Variants in PCDHA5 observed in about 807,000 individuals in gnomAD.
PCDHA5 encodes the protein protocadherin alpha 5.
Under a neutral mutation model 61.6 loss-of-function variants are expected in PCDHA5, and 43 were observed. The ratio of observed to expected loss-of-function variants is 0.70; its 90% CI spans 0.55 to 0.90. The LOEUF (loss-of-function observed/expected upper bound fraction) is 0.90, where lower values mean the gene tolerates loss of function less well. Ranked by LOEUF, PCDHA5 falls within the 40% of genes least tolerant of loss-of-function variation. The pLI, the probability that PCDHA5 is intolerant of heterozygous loss-of-function variation, is 0.00. For synonymous variants in PCDHA5, 627 were observed against 543.9 expected (o/e 1.15, Z -2.13); for missense variants, 1,298 against 1,222.7 (o/e 1.06, Z -0.92).
At chr5:140,854,131 C>T in intron 1 of PCDHA5, 1 of 404,286 alleles carries the variant, frequency 2.5e-6, no homozygotes, top group Non-Finnish European at 3.3e-6. Flanking sequence ...AACTGCATTT[C>T]AGCCCGGGTG....
rs1274541359 is a variant in PCDHA5 at position 140,852,032 on chromosome 5, G to C, written c.2352+27905G>C. 7.5e-6 allele frequency: 7 copies of C among 936,644 alleles called. No homozygotes were observed. The African/African-American group carries it at 1.1e-4, about 14-fold the overall frequency. 58.0% of individuals were successfully genotyped at this position (936,644 alleles called of 1,614,324 possible). On this transcript the variant is annotated intron_variant, in intron 1 of 3. Transcript: ENST00000529859. ...TATAGTTTTAAAAACTTCGCTTATT[G>C]AGTTTTTGTTATGTGGTTTATATTT... is the stretch of plus-strand genomic sequence containing the variant.
chr5:140,841,299 C>G (rs2150312843), intron 1 of PCDHA5: 11 of 1,365,702 alleles, frequency 8.1e-6, no homozygotes, highest in East Asian at 5.9e-5. Flanking sequence ...ATAATATTTT[C>G]TGATAGGAAA....
Position 140,920,248 on chromosome 5 carries a change from C to T in PCDHA5, c.2353-58701C>T, listed in dbSNP as rs77829363. 2.9e-3 allele frequency among the ~76,000 whole-genome samples: 443 copies of T among 152,218 alleles called. 1 individual carries two copies. The highest frequency in any genetic ancestry group is 0.01 in the African/African-American group (423 of 41,510). Reference sequence around the variant, plus strand: ...TAGTATTATATACCCAACAATACATCGCTATAATAATTATTACTTTATGTA... The same window carrying T: ...TAGTATTATATACCCAACAATACATTGCTATAATAATTATTACTTTATGTA... On this transcript the variant is annotated intron_variant, in intron 1 of 3. Coordinates refer to ENST00000529859, the MANE Select transcript of PCDHA5 (RefSeq NM_018908.3).
intron 1 of PCDHA5, among the ~76,000 whole-genome samples, chr5:140,923,179 G>T (rs982663028): frequency 3.3e-5 from 5 of 152,130 alleles, no homozygotes; most frequent in Admixed American, 1.3e-4. Flanking sequence ...TTGTTCAGAT[G>T]CATCTACTGC....
intron 3 of PCDHA5, among the ~76,000 whole-genome samples, chr5:140,990,902 C>G (rs2097421729): frequency 6.6e-6 from 1 of 152,112 alleles, no homozygotes; most frequent in African/African-American, 2.4e-5. Flanking sequence ...GTTGCTGGGT[C>G]AAGTTTTATA....
chr5:141,006,376 TAA>T (rs2098270900), intron 3 of PCDHA5, among the ~76,000 whole-genome samples: 1 of 151,996 alleles, frequency 6.6e-6, no homozygotes, highest in South Asian at 2.1e-4. Flanking sequence ...CACGCCCGGC[TAA>T]GTTTTTTCTA....
intron 1 of PCDHA5, chr5:140,876,086 C>T (rs371336139): frequency 2.5e-6 from 4 of 1,613,778 alleles, no homozygotes; most frequent in East Asian, 2.2e-5. Flanking sequence ...AGAGAGCAAA[C>T]GCCAAAACTC....
chr5:141,007,779 C>T (rs1378096050), intron 3 of PCDHA5, among the ~76,000 whole-genome samples: 4 of 152,184 alleles, frequency 2.6e-5, no homozygotes, highest in African/African-American at 9.7e-5. Context: ...AATGGTACTG[C>T]TTTACAAATT....
At chr5:140,875,324 C>G in intron 1 of PCDHA5, 2 of 1,426,280 alleles carry the variant, frequency 1.4e-6, no homozygotes, top group Non-Finnish European at 1.8e-6. Flanking sequence ...CAATCATTCA[C>G]GGAATAGGAT....
chr5:140,866,420 T>C (rs2049348301), intron 1 of PCDHA5: 1 of 152,148 alleles, frequency 6.6e-6, no homozygotes, highest in African/African-American at 2.4e-5. Context: ...CAAATGTGTG[T>C]AGGTCTTTCA....
chr5:140,928,802 TG>T, intron 1 of PCDHA5: 1 of 1,614,142 alleles, frequency 6.2e-7, no homozygotes, highest in South Asian at 1.1e-5. Context: ...GTGGTGGTAG[TG>T]GTTCGGGACC....
At chr5:140,835,658 T>G (rs2150240988) in intron 1 of PCDHA5, 43 of 1,613,884 alleles carry the variant, frequency 2.7e-5, no homozygotes, top group African/African-American at 2.3e-4. Context: ...AGCTGGTGGT[T>G]ACCGCGCGGG....
rs782037799 is a variant in PCDHA5 at position 140,877,180 on chromosome 5, G to A, written c.2352+53053G>A. ...CGCGCCGGCACTGCTGGCGACTCCG[G>A]CTGGCAGCGCAGGAGGCGCAGTTAG... On this transcript the variant is annotated intron_variant, in intron 1 of 3. Transcript: ENST00000529859. The A allele has an allele frequency of 1.1e-5, 18 of 1,613,692 alleles. No individual in the cohort carries two copies. In the South Asian group the frequency reaches 1.5e-4, roughly 14 times the overall value.
chr5:140,830,347 G>A (rs1771011399), intron 1 of PCDHA5: 5 of 1,614,100 alleles, frequency 3.1e-6, no homozygotes, highest in Non-Finnish European at 2.5e-6. Context: ...CGTACTCGCA[G>A]CAGAGGCGGC....
intron 1 of PCDHA5, chr5:140,863,388 C>T: frequency 1.0e-6 from 1 of 1,000,142 alleles, no homozygotes; most frequent in Non-Finnish European, 1.5e-6. Context: ...AGAGCTCGTG[C>T]ATGCCGGGCA....
intron 3 of PCDHA5, among the ~76,000 whole-genome samples, chr5:140,984,938 G>A (rs1355399601): frequency 2.0e-5 from 3 of 151,924 alleles, no homozygotes; most frequent in Non-Finnish European, 2.9e-5. Flanking sequence ...GTTAATAAAT[G>A]TCTAATCTTT....
At chr5:140,990,314 C>G (rs1295117014) in intron 3 of PCDHA5, among the ~76,000 whole-genome samples, 1 of 152,094 alleles carries the variant, frequency 6.6e-6, no homozygotes, top group East Asian at 1.9e-4. Flanking sequence ...AAAAAACCAA[C>G]CAAACAAACT....
intron 1 of PCDHA5, among the ~76,000 whole-genome samples, chr5:140,832,761 A>T (rs1003830493): frequency 6.6e-5 from 10 of 152,344 alleles, no homozygotes; most frequent in African/African-American, 2.4e-4. Flanking sequence ...AAAAGCAAGA[A>T]TATTGTAAGA....
Position 140,850,173 on chromosome 5 carries a change from G to T in PCDHA5, c.2352+26046G>T, listed in dbSNP as rs2150470730. The T allele has an allele frequency of 4.0e-5, 64 of 1,594,368 alleles. 5 individuals carry two copies. The highest frequency in any genetic ancestry group is 5.0e-5 in the Non-Finnish European group (58 of 1,167,774). On this transcript the variant is annotated intron_variant, in intron 1 of 3. Coordinates refer to ENST00000529859, the MANE Select transcript of PCDHA5 (RefSeq NM_018908.3). ...GCAGGTGTTCGTGCTGGACGAGAAC[G>T]ACAATGCGCCGGCGCTGCTGACACC...
Sources: gnomAD v4.1 joint callset for allele counts (sites outside exome capture counted in the v4.1 genomes callset) on GRCh38, gnomAD v4.1.1 for gene constraint, MANE v1.5 for transcripts, NCBI Gene and HGNC (gene_info 2026-07-23, HGNC 2026-07-21) for gene names.